YTHDF1: variants seen among roughly 807,000 people sequenced by gnomAD.
YTHDF1 encodes the protein YTH domain-containing family protein 1.
A neutral mutation model predicts 49.1 loss-of-function variants in YTHDF1; 16 were observed. That is an observed-to-expected ratio of 0.33 (90% CI 0.22 to 0.49). The LOEUF is 0.49. Ranked by LOEUF, YTHDF1 falls within the 20% of genes least tolerant of loss-of-function variation. The pLI is 0.99. For synonymous variants in YTHDF1, 313 were observed against 290.1 expected (o/e 1.08, Z -0.80); for missense variants, 621 against 744.3 (o/e 0.83, Z 1.93).
chr20:63,195,595 T>C lies in YTHDF1; in HGVS notation c.*1113A>G, dbSNP rs1265814578. On this transcript the variant is annotated 3_prime_UTR_variant, in exon 5 of 5. Coordinates refer to ENST00000370339, the MANE Select transcript of YTHDF1 (RefSeq NM_017798.4). ...AACTCAGAGGGTCTTTTGGAGCAAGTAGTTTTCAGAAAGCGTCTGCTCTCT... is the reference window on the plus strand; with the variant it reads ...AACTCAGAGGGTCTTTTGGAGCAAGCAGTTTTCAGAAAGCGTCTGCTCTCT... 3 of 152,600 alleles carry C rather than the reference T, an allele frequency of 2.0e-5. No individual in the cohort carries two copies. The highest frequency in any genetic ancestry group is 4.4e-5 in the Non-Finnish European group (3 of 68,044). The allele number at this position is 152,600 out of a possible 1,614,324, so 9.5% of individuals were successfully genotyped here. A position where few individuals can be genotyped will look rare whatever the true frequency, so the allele number is the denominator to read the frequency against.
chr20:63,208,352 G>A (rs1474375985), intron 3 of YTHDF1, among the ~76,000 whole-genome samples: 1 of 152,212 alleles, frequency 6.6e-6, no homozygotes, highest in African/African-American at 2.4e-5. Flanking sequence ...AAGCAGCTCT[G>A]ACCCAGGACT....
intron 1 of YTHDF1, 83 bp downstream of exon 1, chr20:63,215,783 G>A (rs2066599322): frequency 3.1e-5 from 44 of 1,411,922 alleles, no homozygotes; most frequent in Non-Finnish European, 4.0e-5. Context: ...CGCGACCCCG[G>A]GCTCTGCGTT....
intron 1 of YTHDF1, 101 bp from the exon 2 acceptor site, chr20:63,215,702 TCCGCCGGCCCCGACGCGCGGTCACGTGCG>T (rs1485073438): frequency 4.4e-5 from 63 of 1,432,588 alleles, no homozygotes; most frequent in Non-Finnish European, 5.8e-5. Flanking sequence ...GGCCGCGAGC[TCCGCCGGCCCCGACGCGCGGTCACGTGCG>T]ACCCCGGCCC....
At chr20:63,204,396 G>C (rs1245309298) in intron 3 of YTHDF1, among the ~76,000 whole-genome samples, 1 of 152,184 alleles carries the variant, frequency 6.6e-6, no homozygotes, top group African/African-American at 2.4e-5. Flanking sequence ...TCCTTCAAGG[G>C]TGCTTCAGAG....
chr20:63,201,821 G>A (rs1218080926), intron 4 of YTHDF1, among the ~76,000 whole-genome samples: 2 of 152,220 alleles, frequency 1.3e-5, no homozygotes, highest in Non-Finnish European at 2.9e-5. Context: ...AGTGCCCTGG[G>A]AAGCAAGGGC....
In YTHDF1 at chr20:63,215,561, C is replaced by G. The variant is rs560684479; in HGVS notation, c.52+16G>C. 5.6e-6 allele frequency: 9 copies of G among 1,613,696 alleles called. No individual in the cohort carries two copies. In the East Asian group the frequency reaches 1.8e-4, roughly 32 times the overall value. ...TCCACTCCAGCCCGCGCCGGCCGTC[C>G]CGGGACTCCGCTCACCTTTATTATC... is the stretch of plus-strand genomic sequence containing the variant. On this transcript the variant is annotated intron_variant, in intron 2 of 4. Coordinates refer to ENST00000370339, the MANE Select transcript of YTHDF1 (RefSeq NM_017798.4).
Position 63,215,989 on chromosome 20 carries a change from C to G in YTHDF1, c.-97G>C. Reference sequence around the variant, plus strand: ...ACCCTAGCTCGCGCGGCCCCGGGCCCCGCCGCCAATTCCCCGGGCGCCGGC... The same window carrying G: ...ACCCTAGCTCGCGCGGCCCCGGGCCGCGCCGCCAATTCCCCGGGCGCCGGC... On this transcript the variant is annotated 5_prime_UTR_variant, in exon 1 of 5. Transcript: ENST00000370339. 1 of 1,118,010 alleles carries G rather than the reference C, an allele frequency of 8.9e-7. No homozygotes were observed. Among genetic ancestry groups the G allele is most frequent in the Non-Finnish European group, 1.1e-6 (1 of 910,136 alleles). 69.3% of individuals were successfully genotyped at this position (1,118,010 alleles called of 1,614,324 possible). A position where few individuals can be genotyped will look rare whatever the true frequency, so the allele number is the denominator to read the frequency against.
intron 4 of YTHDF1, among the ~76,000 whole-genome samples, chr20:63,197,350 C>T (rs561766256): frequency 2.0e-5 from 3 of 152,180 alleles, no homozygotes; most frequent in South Asian, 2.1e-4. Flanking sequence ...CACTCCCCCA[C>T]GGCTAGACTG....
chr20:63,214,765 G>A (rs749895060), intron 2 of YTHDF1, among the ~76,000 whole-genome samples: 19 of 152,148 alleles, frequency 1.2e-4, no homozygotes, highest in Non-Finnish European at 2.5e-4. Context: ...TGTCCACCAG[G>A]AATTTCCTTG....
At chr20:63,211,674 C>T (rs991591285) in intron 3 of YTHDF1, among the ~76,000 whole-genome samples, 3 of 151,748 alleles carry the variant, frequency 2.0e-5, no homozygotes, top group African/African-American at 7.3e-5. Flanking sequence ...ATATTTTTGG[C>T]TGGGCACAGT....
At position 63,203,837 on chromosome 20, in the gene YTHDF1, A is replaced by G; in HGVS notation, c.133-30T>C. 6.4e-7 allele frequency: 1 copy of G among 1,564,518 alleles called. No individual in the cohort carries two copies. The highest frequency in any genetic ancestry group is 2.3e-5 in the East Asian group (1 of 44,156). The stretch of plus-strand genomic sequence containing the variant: ...AAAAGCAAACGTGACAAGTTACACC[A>G]CTTCTACAACACGAGATGCTGAGAA... On this transcript the variant is annotated intron_variant, in intron 3 of 4. Coordinates refer to ENST00000370339, the MANE Select transcript of YTHDF1 (RefSeq NM_017798.4). This position sits in a 1 kb window ranked among gnomAD's most constrained non-coding sequence, Gnocchi z 4.4.
intron 3 of YTHDF1, among the ~76,000 whole-genome samples, chr20:63,207,663 C>T (rs1004955701): frequency 2.6e-5 from 4 of 152,210 alleles, no homozygotes; most frequent in East Asian, 1.9e-4. Flanking sequence ...ACATGCTAGG[C>T]GCCTCACTGC....
At chr20:63,213,319 C>A (rs1391911508) in intron 3 of YTHDF1, among the ~76,000 whole-genome samples, 1 of 152,216 alleles carries the variant, frequency 6.6e-6, no homozygotes, top group Non-Finnish European at 1.5e-5. Context: ...GCAATTCCAG[C>A]TACTCCCGAG....
At chr20:63,209,101 G>A (rs1036756935) in intron 3 of YTHDF1, among the ~76,000 whole-genome samples, 7 of 152,140 alleles carry the variant, frequency 4.6e-5, no homozygotes, top group East Asian at 1.9e-4. Context: ...GTAAAAATAC[G>A]GTATAAGAAA....
At chr20:63,205,989 C>T (rs925793520) in intron 3 of YTHDF1, among the ~76,000 whole-genome samples, 5 of 151,950 alleles carry the variant, frequency 3.3e-5, no homozygotes, top group South Asian at 4.1e-4. Flanking sequence ...GCCTTTCCCT[C>T]GGGTGCTGCC....
intron 4 of YTHDF1, among the ~76,000 whole-genome samples, chr20:63,201,002 G>A (rs1474604655): frequency 1.3e-5 from 2 of 150,794 alleles, no homozygotes; most frequent in South Asian, 2.1e-4. Context: ...CCGAGATTGC[G>A]CCACTGCACT....
chr20:63,200,788 T>TGC (rs752562569), intron 4 of YTHDF1, among the ~76,000 whole-genome samples: 20 of 152,324 alleles, frequency 1.3e-4, no homozygotes, highest in African/African-American at 4.6e-4. Flanking sequence ...AGAAAAACTG[T>TGC]GCGCGCACAC....
At chr20:63,210,581 C>G (rs1010456085) in intron 3 of YTHDF1, among the ~76,000 whole-genome samples, 1 of 151,704 alleles carries the variant, frequency 6.6e-6, no homozygotes, top group Admixed American at 6.6e-5. Flanking sequence ...GTCGGGAGTT[C>G]GAGACCAGCC....
Position 63,213,850 on chromosome 20 carries a change from C to T in YTHDF1, c.132+14G>A, listed in dbSNP as rs374265248. 45 of 1,597,642 alleles carry T rather than the reference C, an allele frequency of 2.8e-5. No individual in the cohort carries two copies. In the African/African-American group the frequency reaches 5.8e-4, roughly 21 times the overall value. On this transcript the variant is annotated intron_variant, in intron 3 of 4. Coordinates refer to ENST00000370339, the MANE Select transcript of YTHDF1 (RefSeq NM_017798.4). ...CAACTTAAAAACAAATATATGCTAA[C>T]AAAATAAACTCACCTGATTTGACTG...
Sources: allele counts gnomAD v4.1 joint callset (sites outside exome capture counted in the v4.1 genomes callset), GRCh38; gene constraint gnomAD v4.1.1; non-coding constraint Gnocchi (gnomAD v3.1); transcripts MANE v1.5; gene names NCBI Gene and HGNC (gene_info 2026-07-23, HGNC 2026-07-21).